Variants in MAGI2 observed in about 807,000 individuals in gnomAD.
MAGI2 encodes the protein membrane-associated guanylate kinase, WW and PDZ domain-containing protein 2.
Under a neutral mutation model 133.3 loss-of-function variants are expected in MAGI2, and 35 were observed. The ratio of observed to expected loss-of-function variants is 0.26; its 90% CI spans 0.20 to 0.35. The LOEUF (loss-of-function observed/expected upper bound fraction) is 0.35, where lower values mean the gene tolerates loss of function less well. Among genes scored for constraint, MAGI2 ranks in the 10% least tolerant of loss-of-function variants. The probability of loss-of-function intolerance (pLI) is 1.00; values close to 1 mark genes in which losing one functional copy is unlikely to be tolerated. For missense variants in MAGI2, 1,636 were observed against 1,863.4 expected (o/e 0.88, Z 2.25); for synonymous variants, 729 against 710.6 (o/e 1.03, Z -0.41).
intron 2 of MAGI2, among the ~76,000 whole-genome samples, chr7:79,001,282 T>C (rs1806830211): frequency 6.6e-6 from 1 of 152,218 alleles, no homozygotes; most frequent in Admixed American, 6.5e-5. Flanking sequence ...TTACTTGGTA[T>C]ACACTGGTAT....
At chr7:78,444,780 C>T (rs1466414816) in intron 6 of MAGI2, among the ~76,000 whole-genome samples, 2 of 148,662 alleles carry the variant, frequency 1.3e-5, no homozygotes, top group African/African-American at 2.5e-5. Context: ...TGTGTATATA[C>T]TGTATATACA....
intron 20 of MAGI2, among the ~76,000 whole-genome samples, chr7:78,102,051 T>A (rs9656108): frequency 0.44 from 66,716 of 151,960 alleles, 14,924 homozygotes; most frequent in African/African-American, 0.5. Context: ...CTGCCATTTG[T>A]GACAATGTGA....
intron 6 of MAGI2, among the ~76,000 whole-genome samples, chr7:78,386,719 TG>T (rs1195911901): frequency 1.3e-5 from 2 of 152,070 alleles, no homozygotes; most frequent in African/African-American, 4.8e-5. Context: ...GCAGTGACAG[TG>T]TGATGTGATG....
At chr7:78,440,621 T>C (rs991768712) in intron 6 of MAGI2, among the ~76,000 whole-genome samples, 2 of 151,954 alleles carry the variant, frequency 1.3e-5, no homozygotes, top group African/African-American at 4.8e-5. Flanking sequence ...AAAGTATATG[T>C]AGGGGGAGAA....
chr7:78,194,934 G>A lies in MAGI2; in HGVS notation c.2209C>T (p.Pro737Ser), dbSNP rs904246263. The A allele has an allele frequency of 8.1e-6, 13 of 1,614,024 alleles. No individual in the cohort carries two copies. Among genetic ancestry groups the A allele is most frequent in the Non-Finnish European group, 1.1e-5 (13 of 1,179,966 alleles). Reference protein sequence around the residue: ...SFPDSTEAFDPRKPDPYELYE... With the variant: ...SFPDSTEAFDSRKPDPYELYE... ...AGCTCATATGGATCAGGCTTCCGTG[G>A]GTCAAAGGCCTCTGTTGAGTCAGGA... The change falls in exon 12 of 22, where the codon CCA becomes TCA. Residue 737 changes from proline to serine, a missense_variant. Physicochemically the swap from Pro to Ser is moderately conservative, Grantham distance 74 (BLOSUM62 -1). Coordinates refer to ENST00000354212, the MANE Select transcript of MAGI2 (RefSeq NM_012301.4).
At chr7:78,595,455 T>C (rs1267697176) in intron 3 of MAGI2, among the ~76,000 whole-genome samples, 1 of 152,186 alleles carries the variant, frequency 6.6e-6, no homozygotes, top group African/African-American at 2.4e-5. Flanking sequence ...TAATTATTAC[T>C]TTTAAAAAGC....
chr7:79,101,604 G>T (rs1817977592), intron 1 of MAGI2, among the ~76,000 whole-genome samples: 1 of 151,388 alleles, frequency 6.6e-6, no homozygotes, highest in African/African-American at 2.4e-5. Context: ...GGCGCCCGTA[G>T]TCCCAGCTAC....
intron 1 of MAGI2, among the ~76,000 whole-genome samples, chr7:79,361,864 G>C (rs1001314860): frequency 6.6e-6 from 1 of 151,866 alleles, no homozygotes. Flanking sequence ...AAGTTTCAAA[G>C]GAAGTAATAT....
chr7:78,431,823 A>G (rs193025412), intron 6 of MAGI2, among the ~76,000 whole-genome samples: 6 of 152,194 alleles, frequency 3.9e-5, no homozygotes, highest in Admixed American at 3.3e-4. Flanking sequence ...TGTCTCGTAA[A>G]TAATACTAGG....
chr7:79,008,358 G>A (rs890291802), intron 1 of MAGI2, among the ~76,000 whole-genome samples: 1 of 152,140 alleles, frequency 6.6e-6, no homozygotes, highest in African/African-American at 2.4e-5. Context: ...GACATAAACT[G>A]TAGCTAATAG....
intron 1 of MAGI2, among the ~76,000 whole-genome samples, chr7:79,265,428 C>T (rs961823884): frequency 3.3e-5 from 5 of 152,096 alleles, no homozygotes; most frequent in Admixed American, 1.3e-4. Flanking sequence ...CCCACCATTA[C>T]CCAAAGCAAA....
chr7:78,949,910 TG>T (rs1801731131), intron 2 of MAGI2, among the ~76,000 whole-genome samples: 2 of 152,184 alleles, frequency 1.3e-5, no homozygotes, highest in African/African-American at 4.8e-5. Flanking sequence ...AGCCAATGCC[TG>T]AGCACATCTT....
intron 1 of MAGI2, among the ~76,000 whole-genome samples, chr7:79,303,539 A>G (rs1837538572): frequency 6.6e-6 from 1 of 152,198 alleles, no homozygotes; most frequent in Non-Finnish European, 1.5e-5. Flanking sequence ...TACTTCTGAT[A>G]GTGAATTCTA....
At chr7:78,961,275 A>T (rs981645873) in intron 2 of MAGI2, among the ~76,000 whole-genome samples, 2 of 152,018 alleles carry the variant, frequency 1.3e-5, no homozygotes, top group Non-Finnish European at 2.9e-5. Context: ...CAGATGCCAA[A>T]TTGGGCTTCC....
chr7:79,211,541 A>T (rs1562999606), intron 1 of MAGI2, among the ~76,000 whole-genome samples: 1 of 151,142 alleles, frequency 6.6e-6, no homozygotes, highest in South Asian at 2.1e-4. Flanking sequence ...CAATCCTCTC[A>T]CCTTGGCCTC....
chr7:79,284,114 T>C (rs915038137), intron 1 of MAGI2, among the ~76,000 whole-genome samples: 1 of 152,072 alleles, frequency 6.6e-6, no homozygotes, highest in Non-Finnish European at 1.5e-5. Context: ...AATAATGAAA[T>C]CACCTAATGA....
chr7:78,561,276 C>T (rs1303484735), intron 3 of MAGI2, among the ~76,000 whole-genome samples: 1 of 152,068 alleles, frequency 6.6e-6, no homozygotes, highest in East Asian at 1.9e-4. Context: ...CTAGCAAGTA[C>T]AAGATTCTGG....
intron 6 of MAGI2, among the ~76,000 whole-genome samples, chr7:78,413,128 A>C (rs1185917581): frequency 6.6e-6 from 1 of 152,088 alleles, no homozygotes; most frequent in African/African-American, 2.4e-5. Flanking sequence ...TTTGGGTCTT[A>C]GTTCCCTCAC....
intron 2 of MAGI2, among the ~76,000 whole-genome samples, chr7:78,978,368 AG>A (rs1163126025): frequency 6.6e-6 from 1 of 151,890 alleles, no homozygotes; most frequent in Non-Finnish European, 1.5e-5. Flanking sequence ...GACACATGAA[AG>A]ACATGCATGA....
Sources: allele counts gnomAD v4.1 joint callset (sites outside exome capture counted in the v4.1 genomes callset), GRCh38; gene constraint gnomAD v4.1.1; transcripts MANE v1.5; gene names NCBI Gene and HGNC (gene_info 2026-07-23, HGNC 2026-07-21).